The following RANBP2 variants were observed in gnomAD, a reference collection of about 807,000 sequenced individuals.
RANBP2 encodes RAN binding protein 2, also known as E3 SUMO-protein ligase RanBP2.
A neutral mutation model predicts 303.6 loss-of-function variants in RANBP2; 57 were observed. The ratio of observed to expected loss-of-function variants is 0.19; its 90% CI spans 0.15 to 0.23. RANBP2 has a LOEUF of 0.23. Among genes scored for constraint, RANBP2 ranks in the 10% least tolerant of loss-of-function variants. The pLI, the probability that RANBP2 is intolerant of heterozygous loss-of-function variation, is 1.00. For missense variants in RANBP2, 3,138 were observed against 3,780.8 expected, an observed-to-expected ratio of 0.83 and a Z score of 4.46; for synonymous variants, 1,167 against 1,301.5, an observed-to-expected ratio of 0.90 and a Z score of 2.23.
intron 1 of RANBP2, among the ~76,000 whole-genome samples, chr2:108,727,603 AT>A (rs34554578): frequency 0.29 from 35,007 of 119,614 alleles, 5,796 homozygotes; most frequent in African/African-American, 0.56. Flanking sequence ...TTGTATCAGC[AT>A]TTTTTTTTTT....
chr2:108,893,803 T>C, the RANBP2 span, among the ~76,000 whole-genome samples: 1 of 152,310 alleles, frequency 6.6e-6, no homozygotes, highest in East Asian at 1.9e-4. Context: ...ACCACCCTTA[T>C]TATCCTTGTA....
At chr2:109,488,829 C>G in the RANBP2 span, among the ~76,000 whole-genome samples, 2 of 152,198 alleles carry the variant, frequency 1.3e-5, no homozygotes. Context: ...GCACGGTGCA[C>G]AAGACCTTCA....
At chr2:109,584,832 ATAAT>A in the RANBP2 span, among the ~76,000 whole-genome samples, 1 of 152,186 alleles carries the variant, frequency 6.6e-6, no homozygotes, top group African/African-American at 2.4e-5. Flanking sequence ...GAAAATTAGT[ATAAT>A]TAATATACAC....
At chr2:109,498,504 C>T in the RANBP2 span, among the ~76,000 whole-genome samples, 1 of 152,224 alleles carries the variant, frequency 6.6e-6, no homozygotes, top group Non-Finnish European at 1.5e-5. Context: ...GCCATGGCTT[C>T]TGCGCCCCAG....
At chr2:109,720,418 A>T in the RANBP2 span, among the ~76,000 whole-genome samples, 1 of 152,112 alleles carries the variant, frequency 6.6e-6, no homozygotes, top group Non-Finnish European at 1.5e-5. Context: ...GGAGCTTTAA[A>T]AAAAATGGCA....
At chr2:109,436,925 A>G in the RANBP2 span, 1 of 1,613,578 alleles carries the variant, frequency 6.2e-7, no homozygotes, top group Admixed American at 1.7e-5. Flanking sequence ...CCGCCCCGGA[A>G]TAATGTAGTC....
At chr2:109,723,574 G>A in the RANBP2 span, among the ~76,000 whole-genome samples, 2 of 151,754 alleles carry the variant, frequency 1.3e-5, no homozygotes, top group Admixed American at 6.6e-5. Flanking sequence ...GTCTTCTTTT[G>A]AGAAGTATCT....
the RANBP2 span, among the ~76,000 whole-genome samples, chr2:108,853,528 CT>C: frequency 8.0e-3 from 1,115 of 138,964 alleles, 9 homozygotes; most frequent in South Asian, 0.025. Context: ...TGATAGCTTT[CT>C]TTTTTTTTTT....
the RANBP2 span, among the ~76,000 whole-genome samples, chr2:108,959,680 T>C: frequency 6.6e-6 from 1 of 152,136 alleles, no homozygotes; most frequent in African/African-American, 2.4e-5. Flanking sequence ...GCCCGGTGAA[T>C]GGCTGCTGGG....
chr2:108,786,592 G>A (rs1312618220), downstream of RANBP2, among the ~76,000 whole-genome samples: 7 of 152,080 alleles, frequency 4.6e-5, no homozygotes, highest in African/African-American at 1.7e-4. Context: ...ACTATCGCGG[G>A]GAGATGCAAT....
At chr2:109,515,772 GA>G in the RANBP2 span, among the ~76,000 whole-genome samples, 1 of 152,184 alleles carries the variant, frequency 6.6e-6, no homozygotes, top group Non-Finnish European at 1.5e-5. Context: ...GAGGCCTCGG[GA>G]GGCAAAAGTG....
chr2:109,521,092 CTG>C, the RANBP2 span, among the ~76,000 whole-genome samples: 2 of 151,932 alleles, frequency 1.3e-5, no homozygotes, highest in African/African-American at 2.4e-5. Context: ...TGGCGGGCAC[CTG>C]TAGTCCCAGC....
chr2:108,763,138 C>CTGAA, intron 19 of RANBP2, 99 bp from the exon 20 acceptor site: 17 of 1,330,816 alleles, frequency 1.3e-5, no homozygotes, highest in Non-Finnish European at 1.8e-5. Flanking sequence ...ATCTTCTTCA[C>CTGAA]TTCATATTCA....
chr2:108,816,873 T>G, the RANBP2 span, among the ~76,000 whole-genome samples: 1 of 152,106 alleles, frequency 6.6e-6, no homozygotes, highest in African/African-American at 2.4e-5. Context: ...TTAAAAAAAA[T>G]TTTTGTAGAG....
At chr2:108,905,146 G>A in the RANBP2 span, among the ~76,000 whole-genome samples, 4 of 152,240 alleles carry the variant, frequency 2.6e-5, no homozygotes, top group African/African-American at 9.6e-5. Flanking sequence ...TGGATGGGCA[G>A]AGAGGGTGTT....
the RANBP2 span, among the ~76,000 whole-genome samples, chr2:109,322,188 C>T: frequency 2.0e-5 from 3 of 152,092 alleles, no homozygotes; most frequent in African/African-American, 4.8e-5. Context: ...ACTCAGCGCC[C>T]CTTCAAGCAT....
chr2:109,624,148 C>T, the RANBP2 span, among the ~76,000 whole-genome samples: 1 of 152,188 alleles, frequency 6.6e-6, no homozygotes, highest in African/African-American at 2.4e-5. Flanking sequence ...TTCAGCCCAT[C>T]TTACAAAATT....
chr2:109,619,804 A>C, the RANBP2 span, among the ~76,000 whole-genome samples: 1 of 152,172 alleles, frequency 6.6e-6, no homozygotes, highest in Non-Finnish European at 1.5e-5. Flanking sequence ...CATTATTTGG[A>C]GTTTCTTACA....
the RANBP2 span, among the ~76,000 whole-genome samples, chr2:109,551,506 C>T: frequency 2.0e-5 from 3 of 152,074 alleles, no homozygotes; most frequent in Non-Finnish European, 2.9e-5. Context: ...TAAAAAGGAA[C>T]GATTTTGAAA....
Sources: gnomAD v4.1 joint callset for allele counts (sites outside exome capture counted in the v4.1 genomes callset) on GRCh38, gnomAD v4.1.1 for gene constraint, MANE v1.5 for transcripts, NCBI Gene and HGNC (gene_info 2026-07-23, HGNC 2026-07-21) for gene names.